Variants in ELMOD1 observed in about 807,000 individuals in gnomAD.
The protein encoded by ELMOD1 is ELMO domain containing 1.
Under a neutral mutation model 46.7 loss-of-function variants are expected in ELMOD1, and 21 were observed. The ratio of observed to expected loss-of-function variants is 0.45; its 90% CI spans 0.32 to 0.65. ELMOD1 has a LOEUF of 0.65. Ranked by LOEUF, ELMOD1 falls within the 30% of genes least tolerant of loss-of-function variation. The probability of loss-of-function intolerance (pLI) is 0.04; values close to 1 mark genes in which losing one functional copy is unlikely to be tolerated. For synonymous variants in ELMOD1, 122 were observed against 138.2 expected (o/e 0.88, Z 0.82); for missense variants, 348 against 407.8 (o/e 0.85, Z 1.26).
intron 4 of ELMOD1, among the ~76,000 whole-genome samples, chr11:107,631,202 C>A (rs1202454709): frequency 6.6e-6 from 1 of 151,930 alleles, no homozygotes; most frequent in Non-Finnish European, 1.5e-5. Flanking sequence ...ATTTTGACAT[C>A]CTGAAGACTA....
chr11:107,654,687 T>G (rs1232495792), intron 10 of ELMOD1, among the ~76,000 whole-genome samples: 1 of 148,370 alleles, frequency 6.7e-6, no homozygotes, highest in African/African-American at 2.5e-5. Flanking sequence ...GAGAATGGTG[T>G]GAACCTGGGA....
intron 11 of ELMOD1, among the ~76,000 whole-genome samples, chr11:107,658,802 G>A (rs1866677993): frequency 6.6e-6 from 1 of 152,190 alleles, no homozygotes; most frequent in South Asian, 2.1e-4. Flanking sequence ...AGGTGTGATG[G>A]CGCACGCCTG....
intron 2 of ELMOD1, 115 bp downstream of exon 2, chr11:107,618,321 C>A: frequency 8.3e-7 from 1 of 1,205,966 alleles, no homozygotes; most frequent in Non-Finnish European, 1.2e-6. Flanking sequence ...TCCTAAGATT[C>A]TGTGAAATAG....
intron 1 of ELMOD1, among the ~76,000 whole-genome samples, chr11:107,597,059 G>A (rs1382391972): frequency 6.6e-6 from 1 of 152,162 alleles, no homozygotes; most frequent in African/African-American, 2.4e-5. Context: ...TCATAGGTAT[G>A]GAAGCCAACA....
intron 1 of ELMOD1, among the ~76,000 whole-genome samples, chr11:107,603,007 G>A (rs144880273): frequency 1.3e-5 from 2 of 152,164 alleles, no homozygotes; most frequent in Non-Finnish European, 2.9e-5. Flanking sequence ...CTCTGTTCTG[G>A]GAGTTGAGTG....
chr11:107,650,787 C>A, intron 8 of ELMOD1, 98 bp from the exon 9 acceptor site: 1 of 846,672 alleles, frequency 1.2e-6, no homozygotes, highest in African/African-American at 1.8e-5. Flanking sequence ...TCTGGAATTA[C>A]TAAGGCTTTT....
chr11:107,605,652 G>A (rs747805774), intron 1 of ELMOD1, among the ~76,000 whole-genome samples: 2 of 152,200 alleles, frequency 1.3e-5, no homozygotes, highest in Non-Finnish European at 2.9e-5. Flanking sequence ...TGAATTCTGT[G>A]GCTGGGATGG....
At chr11:107,647,702 T>C (rs7938105) in intron 7 of ELMOD1, 101 bp downstream of exon 7, 1 of 1,234,398 alleles carries the variant, frequency 8.1e-7, no homozygotes, top group Admixed American at 3.2e-5. Flanking sequence ...GTACTTCCCA[T>C]AAGACTCAAA....
intron 6 of ELMOD1, among the ~76,000 whole-genome samples, chr11:107,645,659 A>T (rs1866416572): frequency 6.6e-6 from 1 of 152,180 alleles, no homozygotes; most frequent in Non-Finnish European, 1.5e-5. Flanking sequence ...GCACTGGCAC[A>T]TTCTTATATG....
chr11:107,603,659 TCTCA>T (rs1015088659), intron 1 of ELMOD1, among the ~76,000 whole-genome samples: 2 of 152,044 alleles, frequency 1.3e-5, no homozygotes, highest in African/African-American at 4.8e-5. Context: ...TGGCTGAGAT[TCTCA>T]CTCAGGAGTT....
chr11:107,645,089 A>ATTTTTTTTT (rs11390120), intron 6 of ELMOD1, among the ~76,000 whole-genome samples: 40 of 103,180 alleles, frequency 3.9e-4, no homozygotes, highest in Middle Eastern at 6.6e-3. Context: ...TGCCTGGCTA[A>ATTTTTTTTT]TTTTTTTTTT....
At chr11:107,604,118 G>C (rs551517005) in intron 1 of ELMOD1, among the ~76,000 whole-genome samples, 1 of 152,126 alleles carries the variant, frequency 6.6e-6, no homozygotes, top group Non-Finnish European at 1.5e-5. Flanking sequence ...CCTTTGTGTC[G>C]AGGTAAGAAG....
chr11:107,658,968 G>C (rs927976266), intron 11 of ELMOD1, among the ~76,000 whole-genome samples: 2 of 152,156 alleles, frequency 1.3e-5, no homozygotes, highest in African/African-American at 4.8e-5. Context: ...GTCTGTGGCT[G>C]CCTTAGCTCA....
At chr11:107,658,106 T>G (rs1031445884) in intron 11 of ELMOD1, among the ~76,000 whole-genome samples, 1 of 152,170 alleles carries the variant, frequency 6.6e-6, no homozygotes, top group Non-Finnish European at 1.5e-5. Context: ...AGAAAAAAAT[T>G]TTTTAATCAA....
chr11:107,593,634 G>A (rs1865443321), intron 1 of ELMOD1, among the ~76,000 whole-genome samples: 2 of 152,146 alleles, frequency 1.3e-5, no homozygotes, highest in South Asian at 4.1e-4. Context: ...AGCACTGTTA[G>A]GTTTTCCAGA....
chr11:107,642,309 A>G (rs1866338935), intron 6 of ELMOD1, among the ~76,000 whole-genome samples: 1 of 151,994 alleles, frequency 6.6e-6, no homozygotes, highest in African/African-American at 2.4e-5. Context: ...GTTAGCAGCA[A>G]TTTTACCAAA....
At position 107,591,937 on chromosome 11, in the gene ELMOD1, C is replaced by G. The variant is rs112164349; in HGVS notation, c.-86+528C>G. 1.7e-3 allele frequency: 868 copies of G among 513,082 alleles called. 5 individuals are homozygous for G. Among genetic ancestry groups the G allele is most frequent in the African/African-American group, 0.015 (797 of 51,740 alleles). The allele number at this position is 513,082 out of a possible 1,614,324, so 31.8% of individuals were successfully genotyped here. A position where few individuals can be genotyped will look rare whatever the true frequency, so the allele number is the denominator to read the frequency against. On this transcript the variant is annotated intron_variant, in intron 1 of 11. Transcript: ENST00000265840. ...AGGAGCGGTCGGCTGGGCTGTTGAG[C>G]TGCGCCTCCTCCAACTGCTGGGAAA...
intron 6 of ELMOD1, among the ~76,000 whole-genome samples, chr11:107,637,624 C>T (rs1866251275): frequency 2.0e-5 from 3 of 151,768 alleles, no homozygotes; most frequent in Admixed American, 1.3e-4. Context: ...ACCCAGGAGG[C>T]GGAGGTTGCA....
chr11:107,627,096 T>C (rs1227486121), intron 2 of ELMOD1, among the ~76,000 whole-genome samples: 1 of 152,172 alleles, frequency 6.6e-6, no homozygotes, highest in Non-Finnish European at 1.5e-5. Context: ...TCTGATGATC[T>C]GGATTAAAAA....
Sources: gnomAD v4.1 joint callset for allele counts (sites outside exome capture counted in the v4.1 genomes callset) on GRCh38, gnomAD v4.1.1 for gene constraint, MANE v1.5 for transcripts, NCBI Gene and HGNC (gene_info 2026-07-23, HGNC 2026-07-21) for gene names.